ZNF385D: variants seen among roughly 807,000 people sequenced by gnomAD.
ZNF385D encodes zinc finger protein 385D.
ZNF385D carries 15 observed loss-of-function variants against 35.8 expected under a neutral mutation model. The ratio of observed to expected loss-of-function variants is 0.42; its 90% CI spans 0.28 to 0.64. The LOEUF (loss-of-function observed/expected upper bound fraction) is 0.64, where lower values mean the gene tolerates loss of function less well. Among genes scored for constraint, ZNF385D ranks in the 30% least tolerant of loss-of-function variants. The probability of loss-of-function intolerance (pLI) is 0.23; values close to 1 mark genes in which losing one functional copy is unlikely to be tolerated. For missense variants in ZNF385D, 474 were observed against 494.6 expected, an observed-to-expected ratio of 0.96 and a Z score of 0.39; for synonymous variants, 212 against 186.8, an observed-to-expected ratio of 1.13 and a Z score of -1.10.
chr3:22,065,600 A>G (rs1362159637), intron 3 of ZNF385D, among the ~76,000 whole-genome samples: 3 of 152,146 alleles, frequency 2.0e-5, no homozygotes, highest in African/African-American at 4.8e-5. Context: ...GAAAAGATCA[A>G]TTTGTTGAGG....
chr3:21,784,842 C>A (rs2071623435), intron 3 of ZNF385D, among the ~76,000 whole-genome samples: 2 of 152,150 alleles, frequency 1.3e-5, no homozygotes, highest in Non-Finnish European at 2.9e-5. Flanking sequence ...CATGGCTCCA[C>A]ATGGCACTGT....
At chr3:22,007,847 TTTTCTTTTTGTTAATACAAAAGC>T (rs1250740709) in intron 3 of ZNF385D, among the ~76,000 whole-genome samples, 1 of 151,408 alleles carries the variant, frequency 6.6e-6, no homozygotes, top group African/African-American at 2.4e-5. Context: ...ATTTATATAG[TTTTCTTTTTGTTAATACAAAAGC>T]TTTCTTTTTA....
intron 2 of ZNF385D, among the ~76,000 whole-genome samples, chr3:22,361,882 C>T (rs1327620972): frequency 6.6e-6 from 1 of 151,932 alleles, no homozygotes; most frequent in Non-Finnish European, 1.5e-5. Flanking sequence ...ATAATTCCAA[C>T]AGTAACTTTT....
chr3:21,711,661 T>C (rs759951745), intron 1 of ZNF385D, among the ~76,000 whole-genome samples: 10 of 152,230 alleles, frequency 6.6e-5, no homozygotes, highest in Non-Finnish European at 1.5e-4. Flanking sequence ...CTTCAAATTT[T>C]AAAATGCATC....
chr3:22,173,541 G>A (rs1336314044), intron 2 of ZNF385D, among the ~76,000 whole-genome samples: 3 of 152,106 alleles, frequency 2.0e-5, no homozygotes. Flanking sequence ...CAATAAAACA[G>A]GAACCTCTTG....
intron 2 of ZNF385D, among the ~76,000 whole-genome samples, chr3:22,367,005 G>A (rs1287834084): frequency 6.6e-6 from 1 of 152,074 alleles, no homozygotes; most frequent in East Asian, 1.9e-4. Context: ...TCTGGCTTTT[G>A]GCCAGTGATA....
chr3:21,982,552 C>A (rs191554877), intron 3 of ZNF385D, among the ~76,000 whole-genome samples: 1 of 152,142 alleles, frequency 6.6e-6, no homozygotes. Context: ...GACTTCCTCT[C>A]TTCCTATTTG....
chr3:22,253,710 TGATTA>T (rs1315071141), intron 2 of ZNF385D, among the ~76,000 whole-genome samples: 2 of 152,058 alleles, frequency 1.3e-5, no homozygotes, highest in Middle Eastern at 3.4e-3. Context: ...TCTGCAAGAA[TGATTA>T]GATAAGAATA....
In ZNF385D at chr3:22,107,425, T is replaced by C. The variant is rs941872962; in HGVS notation, c.325+61392A>G. 4.6e-5 allele frequency among the ~76,000 whole-genome samples: 7 copies of C among 151,948 alleles called. No individual in the cohort carries two copies. The South Asian group carries it at 1.0e-3, about 23-fold the overall frequency. The stretch of plus-strand genomic sequence containing the variant: ...TCAGGACTGTAAAATCATTGATACA[T>C]GGGGAAAAAAGCAAAGTTTATACAT... On this transcript the variant is annotated intron_variant, in intron 3 of 5. Transcript: ENST00000494108.
intron 3 of ZNF385D, among the ~76,000 whole-genome samples, chr3:22,129,330 T>G (rs1576368813): frequency 6.6e-6 from 1 of 152,158 alleles, no homozygotes; most frequent in African/African-American, 2.4e-5. Context: ...GACTATTCCT[T>G]GGATACTGCT....
At chr3:22,353,733 C>T (rs1416000321) in intron 2 of ZNF385D, among the ~76,000 whole-genome samples, 21 of 152,218 alleles carry the variant, frequency 1.4e-4, no homozygotes, top group Non-Finnish European at 7.4e-5. Flanking sequence ...TCCTTCACTC[C>T]TTTAACTAGA....
intron 2 of ZNF385D, among the ~76,000 whole-genome samples, chr3:22,325,989 T>C (rs1046125214): frequency 6.6e-6 from 1 of 152,102 alleles, no homozygotes; most frequent in African/African-American, 2.4e-5. Flanking sequence ...GTGCACCATC[T>C]TCCCTTTCTC....
intron 3 of ZNF385D, among the ~76,000 whole-genome samples, chr3:22,166,379 GT>G (rs1259286161): frequency 1.3e-5 from 2 of 152,110 alleles, no homozygotes; most frequent in South Asian, 4.1e-4. Flanking sequence ...TGATTTCTCT[GT>G]TTGAATGAAG....
intron 1 of ZNF385D, among the ~76,000 whole-genome samples, chr3:21,723,994 T>G (rs113929499): frequency 2.6e-4 from 39 of 152,292 alleles, no homozygotes; most frequent in Non-Finnish European, 4.9e-4. Flanking sequence ...GGGGCCAATA[T>G]TCAACATTCT....
intron 1 of ZNF385D, among the ~76,000 whole-genome samples, chr3:21,679,209 G>A (rs540411891): frequency 3.3e-5 from 5 of 152,150 alleles, no homozygotes; most frequent in African/African-American, 1.2e-4. Context: ...CAGGATTTCT[G>A]TAAGGCTTAC....
rs368557614 is a variant in ZNF385D at position 22,204,527 on chromosome 3, G to A, written c.107-35492C>T. ...CATACAAACTAAGTAAGACACAAGG[G>A]ACCAATCCCAGAGAGACAGAAATAT... On this transcript the variant is annotated intron_variant, in intron 2 of 5. Transcript: ENST00000494108. Among the ~76,000 whole-genome samples, 6 of 152,044 alleles carry A rather than the reference G, an allele frequency of 3.9e-5. No homozygotes were observed. In the South Asian group the frequency reaches 8.3e-4, roughly 21 times the overall value.
chr3:21,555,267 G>T (rs2125611706), intron 3 of ZNF385D, among the ~76,000 whole-genome samples: 1 of 150,898 alleles, frequency 6.6e-6, no homozygotes, highest in East Asian at 1.9e-4. Context: ...TGCAGAACGT[G>T]CAGGTTTGTT....
chr3:21,978,869 T>C (rs573932333), intron 3 of ZNF385D, among the ~76,000 whole-genome samples: 3 of 151,748 alleles, frequency 2.0e-5, no homozygotes, highest in South Asian at 2.1e-4. Flanking sequence ...TATTCACAAA[T>C]ATTCAACTTA....
At chr3:22,338,766 T>C (rs1328755113) in intron 2 of ZNF385D, among the ~76,000 whole-genome samples, 4 of 148,474 alleles carry the variant, frequency 2.7e-5, no homozygotes, top group African/African-American at 1.0e-4. Context: ...AATGGCGCGA[T>C]CTCGGCTCAC....
Sources: allele counts gnomAD v4.1 joint callset (sites outside exome capture counted in the v4.1 genomes callset), GRCh38; gene constraint gnomAD v4.1.1; transcripts MANE v1.5; gene names NCBI Gene and HGNC (gene_info 2026-07-23, HGNC 2026-07-21).